Variants in TSPAN9 observed in about 807,000 individuals in gnomAD.
TSPAN9 encodes the protein tetraspanin-9.
TSPAN9 carries 16 observed loss-of-function variants against 31.0 expected under a neutral mutation model. The ratio of observed to expected loss-of-function variants is 0.52; its 90% CI spans 0.35 to 0.78. The LOEUF (loss-of-function observed/expected upper bound fraction) is 0.78. Among genes scored for constraint, TSPAN9 ranks in the 30% least tolerant of loss-of-function variants. TSPAN9 has a pLI of 0.01. For synonymous variants in TSPAN9, 145 were observed against 121.6 expected (o/e 1.19, Z -1.27); for missense variants, 272 against 312.5 (o/e 0.87, Z 0.98).
chr12:3,147,317 A>T lies in TSPAN9; in HGVS notation c.-17-53860A>T, dbSNP rs1200167345. Among the ~76,000 whole-genome samples, 1 of 152,056 alleles carries T rather than the reference A, an allele frequency of 6.6e-6. No homozygotes were observed. The highest frequency in any genetic ancestry group is 6.5e-5 in the Admixed American group (1 of 15,286). On this transcript the variant is annotated intron_variant, in intron 2 of 8. Transcript: ENST00000011898. The surrounding 1 kb of genome is among the most constrained non-coding windows in gnomAD (Gnocchi z 4.3). ...GGCTGGAGAGAATGACAGGCGTCCC[A>T]TGTATCCCAAAAATGCAGTGTGGTG...
chr12:3,271,352 T>C (rs1409793148), intron 3 of TSPAN9, among the ~76,000 whole-genome samples: 1 of 152,176 alleles, frequency 6.6e-6, no homozygotes, highest in Non-Finnish European at 1.5e-5. Flanking sequence ...ACTAGAAGTA[T>C]AGAGCTCAGA....
intron 2 of TSPAN9, among the ~76,000 whole-genome samples, chr12:3,137,476 G>T (rs1222703041): frequency 6.6e-6 from 1 of 152,204 alleles, no homozygotes; most frequent in African/African-American, 2.4e-5. Flanking sequence ...AGCTGACACA[G>T]CCCTTGTAGA....
At chr12:3,150,759 G>A (rs2098339348) in intron 2 of TSPAN9, among the ~76,000 whole-genome samples, 1 of 152,116 alleles carries the variant, frequency 6.6e-6, no homozygotes, top group South Asian at 2.1e-4. Flanking sequence ...CCCTGCAGGA[G>A]ATCGAATGCT....
chr12:3,278,668 C>T, intron 4 of TSPAN9, 56 bp downstream of exon 4: 1 of 1,576,838 alleles, frequency 6.3e-7, no homozygotes, highest in Non-Finnish European at 8.6e-7. Context: ...TGCACTTGGA[C>T]CCCTGGGACA....
intron 2 of TSPAN9, among the ~76,000 whole-genome samples, chr12:3,145,354 C>A (rs1407105207): frequency 6.6e-6 from 1 of 152,136 alleles, no homozygotes; most frequent in East Asian, 1.9e-4. Context: ...TGGGAAATGA[C>A]CTTTTTGTGT....
chr12:3,255,908 T>C (rs1391042531), intron 3 of TSPAN9, among the ~76,000 whole-genome samples: 1 of 152,236 alleles, frequency 6.6e-6, no homozygotes, highest in Non-Finnish European at 1.5e-5. Context: ...GTACCTCTGG[T>C]GTGGGAGGTC....
chr12:3,174,744 G>C (rs35909179), intron 2 of TSPAN9, among the ~76,000 whole-genome samples: 3 of 141,856 alleles, frequency 2.1e-5, no homozygotes, highest in East Asian at 2.2e-4. Flanking sequence ...CACCGCGCCC[G>C]GCTAATTTTT....
intron 3 of TSPAN9, among the ~76,000 whole-genome samples, chr12:3,239,322 C>T (rs1200804346): frequency 6.6e-6 from 1 of 152,218 alleles, no homozygotes; most frequent in Non-Finnish European, 1.5e-5. Flanking sequence ...TGAGCCAGGC[C>T]TGCCCGTGAA....
intron 3 of TSPAN9, among the ~76,000 whole-genome samples, chr12:3,204,820 CT>C (rs2098374109): frequency 6.6e-6 from 1 of 152,224 alleles, no homozygotes; most frequent in Admixed American, 6.5e-5. Context: ...CACACTCACC[CT>C]AAGGGATTTC....
At chr12:3,275,421 G>A (rs931843929) in intron 3 of TSPAN9, among the ~76,000 whole-genome samples, 3 of 152,108 alleles carry the variant, frequency 2.0e-5, no homozygotes, top group African/African-American at 4.8e-5. Context: ...TGGGGTTTCC[G>A]CTTACTCATT....
chr12:3,086,076 C>T (rs1591620105), intron 2 of TSPAN9, among the ~76,000 whole-genome samples: 1 of 152,216 alleles, frequency 6.6e-6, no homozygotes, highest in African/African-American at 2.4e-5. Flanking sequence ...TTGCTGGACT[C>T]CAGCCCTGCA....
intron 3 of TSPAN9, among the ~76,000 whole-genome samples, chr12:3,210,808 A>C (rs1165700450): frequency 8.0e-5 from 12 of 150,940 alleles, no homozygotes; most frequent in African/African-American, 2.2e-4. Flanking sequence ...GCAGTGGCAC[A>C]ATCATGGCTC....
In TSPAN9 at chr12:3,280,015, A is replaced by C. The variant is rs1365395956; in HGVS notation, c.331-367A>C. Among the ~76,000 whole-genome samples the C allele has an allele frequency of 8.1e-6, 1 of 123,650 alleles. No individual in the cohort carries two copies. Among genetic ancestry groups the C allele is most frequent in the East Asian group, 2.4e-4 (1 of 4,130 alleles). 81.1% of individuals were successfully genotyped at this position (123,650 alleles called of 152,430 possible). A position where few individuals can be genotyped will look rare whatever the true frequency, so the allele number is the denominator to read the frequency against. On this transcript the variant is annotated intron_variant, in intron 5 of 8. Coordinates refer to ENST00000011898, the MANE Select transcript of TSPAN9 (RefSeq NM_006675.5). The surrounding 1 kb of genome is among the most constrained non-coding windows in gnomAD (Gnocchi z 4.5). ...GGGGCAGTCTGTGGGGAAGCTGTGT[A>C]GTGGGGGGCGGGGGTGGCAGAGTGG...
chr12:3,256,646 A>G (rs1862351768), intron 3 of TSPAN9, among the ~76,000 whole-genome samples: 1 of 152,100 alleles, frequency 6.6e-6, no homozygotes, highest in Non-Finnish European at 1.5e-5. Flanking sequence ...TCTCTTCAGG[A>G]GGTCAGATAA....
intron 2 of TSPAN9, among the ~76,000 whole-genome samples, chr12:3,155,000 T>TTCTA (rs2098341523): frequency 6.6e-6 from 1 of 152,218 alleles, no homozygotes; most frequent in African/African-American, 2.4e-5. Context: ...CAGTTAAGCA[T>TTCTA]TCTACATGGT....
At chr12:3,091,207 C>A (rs1001854716) in intron 2 of TSPAN9, among the ~76,000 whole-genome samples, 8 of 152,248 alleles carry the variant, frequency 5.3e-5, no homozygotes, top group African/African-American at 1.9e-4. Context: ...ATTCATTTGC[C>A]AACCACTACG....
intron 2 of TSPAN9, among the ~76,000 whole-genome samples, chr12:3,096,695 C>CTTTT (rs200239116): frequency 1.3e-5 from 2 of 149,584 alleles, no homozygotes; most frequent in Non-Finnish European, 3.0e-5. Flanking sequence ...ATCTTTCTTT[C>CTTTT]TTTCTTTTTT....
intron 3 of TSPAN9, among the ~76,000 whole-genome samples, chr12:3,262,858 GC>G (rs1290300416): frequency 6.6e-6 from 1 of 152,124 alleles, no homozygotes. Flanking sequence ...TATTTAAATG[GC>G]CATTTCCCTC....
chr12:3,176,389 T>A (rs1013195590), intron 2 of TSPAN9, among the ~76,000 whole-genome samples: 11 of 152,182 alleles, frequency 7.2e-5, no homozygotes, highest in Admixed American at 1.3e-4. Context: ...TGCGAAGGCA[T>A]GAGGAACCAC....
Sources: allele counts gnomAD v4.1 joint callset (sites outside exome capture counted in the v4.1 genomes callset), GRCh38; gene constraint gnomAD v4.1.1; non-coding constraint Gnocchi (gnomAD v3.1); transcripts MANE v1.5; gene names NCBI Gene and HGNC (gene_info 2026-07-23, HGNC 2026-07-21).